Variants in CFAP47 observed in about 807,000 individuals in gnomAD.
CFAP47 encodes the protein cilia- and flagella-associated protein 47.
Under a neutral mutation model 148.1 loss-of-function variants are expected in CFAP47, and 29 were observed. That is an observed-to-expected ratio of 0.20 (90% confidence interval 0.15 to 0.27). The LOEUF (loss-of-function observed/expected upper bound fraction) is 0.27, where lower values mean the gene tolerates loss of function less well. Among genes scored for constraint, CFAP47 ranks in the 10% least tolerant of loss-of-function variants. The pLI is 1.00. For synonymous variants in CFAP47, 664 were observed against 577.3 expected, an observed-to-expected ratio of 1.15 and a Z score of -2.15; for missense variants, 1,872 against 1,697.5, an observed-to-expected ratio of 1.10 and a Z score of -1.81.
intron 25 of CFAP47, among the ~76,000 whole-genome samples, chrX:36,043,262 A>G (rs182760162): frequency 8.9e-6 from 1 of 112,104 alleles, no homozygotes; most frequent in Non-Finnish European, 1.9e-5. Context: ...AAGTATTAAA[A>G]ACATTTAAGT....
At chrX:36,377,412 T>C in intron 62 of CFAP47, among the ~76,000 whole-genome samples, 1 of 112,590 alleles carries the variant, frequency 8.9e-6, no homozygotes, top group South Asian at 3.7e-4. Context: ...GTTGGCTGCA[T>C]AAATGTCTTC....
At chrX:36,140,276 A>G (rs897864664) in intron 35 of CFAP47, among the ~76,000 whole-genome samples, 5 of 111,399 alleles carry the variant, frequency 4.5e-5, no homozygotes, top group Admixed American at 1.9e-4. Context: ...TACCAGGAAA[A>G]TTTGCACAGA....
At chrX:36,015,299 G>T (rs974494849) in intron 22 of CFAP47, among the ~76,000 whole-genome samples, 2 of 109,894 alleles carry the variant, frequency 1.8e-5, no homozygotes, top group Non-Finnish European at 3.8e-5. Context: ...CAAAGGGATG[G>T]GTTACTAAAA....
intron 22 of CFAP47, among the ~76,000 whole-genome samples, chrX:36,016,356 A>C (rs892797493): frequency 1.4e-4 from 16 of 110,352 alleles, no homozygotes; most frequent in Non-Finnish European, 1.1e-4. Context: ...TGTCTCCATG[A>C]GTTCAATCAT....
intron 36 of CFAP47, among the ~76,000 whole-genome samples, chrX:36,148,569 T>C (rs1234012149): frequency 8.9e-6 from 1 of 111,850 alleles, no homozygotes; most frequent in Non-Finnish European, 1.9e-5. Flanking sequence ...TTTCTAATGC[T>C]CCCCATGTCT....
intron 22 of CFAP47, among the ~76,000 whole-genome samples, chrX:36,025,039 CA>C (rs754974588): frequency 2.7e-5 from 3 of 110,334 alleles, no homozygotes; most frequent in Non-Finnish European, 5.7e-5. Context: ...AGAGCTAGTG[CA>C]AAAAAAATTC....
intron 30 of CFAP47, among the ~76,000 whole-genome samples, chrX:36,088,463 G>A (rs771839946): frequency 9.0e-6 from 1 of 110,770 alleles, no homozygotes; most frequent in African/African-American, 3.3e-5. Flanking sequence ...CCAATAGGAT[G>A]GATGTCCTTT....
intron 62 of CFAP47, among the ~76,000 whole-genome samples, chrX:36,378,507 A>G (rs1364252110): frequency 2.7e-5 from 3 of 112,057 alleles, no homozygotes; most frequent in Admixed American, 9.5e-5. Flanking sequence ...AATAGTTCCA[A>G]TTTGTATAGA....
Position 36,104,627 on chromosome X carries a change from G to C in CFAP47, c.5256G>C (p.Leu1752Phe), listed in dbSNP as rs746550121. ...SNIYSDSERI[L>F]LSWMNINYEN... is the part of the protein sequence containing the mutation. ...TATATTCTGATTCTGAAAGAATTTT[G>C]CTTAGTTGGATGAACATAAATTATG... Residue 1752 changes from leucine to phenylalanine, a missense_variant, in exon 33 of 64, where the codon TTG (leucine) becomes TTC (phenylalanine). Physicochemically the swap from Leu to Phe is conservative, Grantham distance 22. Transcript: ENST00000378653. 1.1e-6 allele frequency: 1 copy of C among 929,368 alleles called. No individual in the cohort carries two copies. Among genetic ancestry groups the C allele is most frequent in the Non-Finnish European group, 1.5e-6 (1 of 648,148 alleles). 76.6% of individuals were successfully genotyped at this position (929,368 alleles called of 1,213,427 possible). A position where few individuals can be genotyped will look rare whatever the true frequency, so the allele number is the denominator to read the frequency against.
At chrX:36,147,322 G>A (rs1188611108) in intron 36 of CFAP47, among the ~76,000 whole-genome samples, 1 of 111,721 alleles carries the variant, frequency 9.0e-6, no homozygotes, top group Non-Finnish European at 1.9e-5. Context: ...ACCCCTACAC[G>A]AAATCCTGGA....
chrX:36,301,222 ATAGT>A, intron 53 of CFAP47, 43 bp downstream of exon 53: 1 of 722,304 alleles, frequency 1.4e-6, no homozygotes, highest in Non-Finnish European at 2.1e-6. Flanking sequence ...TGCAAGAAAA[ATAGT>A]TAATCTATTA....
At chrX:36,284,422 T>A (rs1941110995) in intron 50 of CFAP47, among the ~76,000 whole-genome samples, 1 of 111,501 alleles carries the variant, frequency 9.0e-6, no homozygotes, top group Admixed American at 9.6e-5. Flanking sequence ...GGTCCACCAA[T>A]CTTACAAGTA....
At chrX:36,226,324 C>A (rs1170881198) in intron 45 of CFAP47, among the ~76,000 whole-genome samples, 3 of 111,340 alleles carry the variant, frequency 2.7e-5, no homozygotes, top group Non-Finnish European at 3.8e-5. Flanking sequence ...AAAACATGTC[C>A]CATTATTATA....
At chrX:36,181,337 CAA>C (rs764506640) in intron 40 of CFAP47, among the ~76,000 whole-genome samples, 89 of 111,152 alleles carry the variant, frequency 8.0e-4, no homozygotes, top group Non-Finnish European at 1.3e-3. Context: ...TCTAAAGCTG[CAA>C]GTAAGGTTAT....
At chrX:36,301,027 C>A (rs1941293739) in intron 52 of CFAP47, 45 bp from the exon 53 acceptor site, 9 of 813,895 alleles carry the variant, frequency 1.1e-5, no homozygotes, top group Non-Finnish European at 1.6e-5. Context: ...ATTTATTACA[C>A]AAACTAAAAC....
In CFAP47 at chrX:35,931,758, A is replaced by G. The variant is rs188131457; in HGVS notation, c.401+5590A>G. ...ATACATGATATAATATTCTAGTGGCATAAACATTTTGTCACTTTAAGTGAA... is the reference window on the plus strand; with the variant it reads ...ATACATGATATAATATTCTAGTGGCGTAAACATTTTGTCACTTTAAGTGAA... On this transcript the variant is annotated intron_variant, in intron 2 of 63. Coordinates refer to ENST00000378653, the MANE Select transcript of CFAP47 (RefSeq NM_001304548.2). 3.0e-3 allele frequency among the ~76,000 whole-genome samples: 338 copies of G among 111,783 alleles called. 1 individual carries two copies. Among genetic ancestry groups the G allele is most frequent in the African/African-American group, 0.01 (317 of 30,755 alleles).
chrX:36,080,710 C>T (rs1937961266), intron 29 of CFAP47, among the ~76,000 whole-genome samples: 3 of 111,008 alleles, frequency 2.7e-5, no homozygotes, highest in East Asian at 5.7e-4. Context: ...TGTTCTCACT[C>T]GTAGGTGGGA....
At chrX:36,040,458 C>T (rs1937389461) in intron 25 of CFAP47, among the ~76,000 whole-genome samples, 1 of 111,477 alleles carries the variant, frequency 9.0e-6, no homozygotes, top group Non-Finnish European at 1.9e-5. Flanking sequence ...ATTCATTTAA[C>T]ATGTATAAAT....
chrX:36,333,207 A>G (rs1941578461), intron 57 of CFAP47, among the ~76,000 whole-genome samples: 1 of 106,505 alleles, frequency 9.4e-6, no homozygotes, highest in Admixed American at 1.1e-4. Flanking sequence ...CCCAAAGTAC[A>G]GTATACATCT....
Sources: allele counts gnomAD v4.1 joint callset (sites outside exome capture counted in the v4.1 genomes callset), GRCh38; gene constraint gnomAD v4.1.1; transcripts MANE v1.5; gene names NCBI Gene and HGNC (gene_info 2026-07-23, HGNC 2026-07-21).